The following CNTN5 variants were observed in gnomAD, a reference collection of about 807,000 sequenced individuals.
CNTN5 encodes the protein contactin 5.
In CNTN5, 77 loss-of-function variants were observed where a neutral mutation model predicts 129.1. The observed-to-expected ratio is 0.60, with a 90% confidence interval of 0.50 to 0.72. CNTN5 has a LOEUF of 0.72. CNTN5 is among the 30% of genes least tolerant of loss of function. The pLI is 0.00. For missense variants in CNTN5, 1,478 were observed against 1,328.8 expected, an observed-to-expected ratio of 1.11 and a Z score of -1.75; for synonymous variants, 509 against 465.6, an observed-to-expected ratio of 1.09 and a Z score of -1.20.
At chr11:99,343,736 T>C (rs1488113387) in intron 2 of CNTN5, among the ~76,000 whole-genome samples, 1 of 152,172 alleles carries the variant, frequency 6.6e-6, no homozygotes, top group East Asian at 1.9e-4. Flanking sequence ...TAATGACCAG[T>C]CATTCATTTA....
Position 99,336,635 on chromosome 11 carries a change from T to A in CNTN5, c.-71+11151T>A, listed in dbSNP as rs571540004. Among the ~76,000 whole-genome samples the A allele has an allele frequency of 2.6e-5, 4 of 151,342 alleles. No individual in the cohort carries two copies. The South Asian group carries it at 8.3e-4, about 32-fold the overall frequency. On this transcript the variant is annotated intron_variant, in intron 2 of 24. Coordinates refer to ENST00000524871, the MANE Select transcript of CNTN5 (RefSeq NM_014361.4). ...TGGTCAGATTACCTGAGGTCAGGAG[T>A]TTCAGACCAGCCTGGTCATCATGGT...
At chr11:100,013,377 C>G (rs567349495) in intron 9 of CNTN5, among the ~76,000 whole-genome samples, 1 of 152,234 alleles carries the variant, frequency 6.6e-6, no homozygotes, top group African/African-American at 2.4e-5. Context: ...TCAGAAGTTT[C>G]TAACTTTATT....
intron 3 of CNTN5, among the ~76,000 whole-genome samples, chr11:99,566,275 G>A (rs1437507255): frequency 6.6e-6 from 1 of 152,130 alleles, no homozygotes; most frequent in Non-Finnish European, 1.5e-5. Flanking sequence ...TGATACACCA[G>A]CTCCTCTTGC....
intron 21 of CNTN5, among the ~76,000 whole-genome samples, chr11:100,321,047 T>TGTAG: frequency 6.6e-6 from 1 of 152,324 alleles, no homozygotes; most frequent in Non-Finnish European, 1.5e-5. Context: ...TGGGGACTTT[T>TGTAG]GTAGTTCTCT....
chr11:99,769,809 C>T (rs371611311), intron 3 of CNTN5, among the ~76,000 whole-genome samples: 1 of 111,714 alleles, frequency 9.0e-6, no homozygotes, highest in African/African-American at 3.6e-5. Context: ...GAGTGAGACC[C>T]CGTCTCAAAA....
chr11:99,794,359 G>T (rs895895244), intron 3 of CNTN5, among the ~76,000 whole-genome samples: 37 of 151,968 alleles, frequency 2.4e-4, no homozygotes, highest in African/African-American at 8.7e-4. Flanking sequence ...ATACTATTTG[G>T]TTTTCCTTGT....
intron 3 of CNTN5, among the ~76,000 whole-genome samples, chr11:99,669,464 GTGTGTGTGTA>G (rs148165823): frequency 0.063 from 5,621 of 89,148 alleles, 345 homozygotes; most frequent in African/African-American, 0.17. Flanking sequence ...GTGTGTGTGT[GTGTGTGTGTA>G]TATGTGTATA....
At chr11:99,120,200 C>T (rs1324905266) in intron 1 of CNTN5, 2 of 152,044 alleles carry the variant, frequency 1.3e-5, no homozygotes, top group Non-Finnish European at 2.9e-5. Context: ...CTGGGTGTGA[C>T]AGCTGTCACC....
intron 13 of CNTN5, among the ~76,000 whole-genome samples, chr11:100,131,993 C>CA (rs958455586): frequency 2.0e-5 from 3 of 152,070 alleles, no homozygotes; most frequent in African/African-American, 7.2e-5. Flanking sequence ...CTAGAATGTA[C>CA]ACAGGCGCAG....
chr11:99,334,896 T>G (rs1375388501), intron 2 of CNTN5, among the ~76,000 whole-genome samples: 1 of 152,172 alleles, frequency 6.6e-6, no homozygotes, highest in East Asian at 1.9e-4. Context: ...TAATACACAT[T>G]GTTTCTGTAT....
rs765621436 is a variant in CNTN5 at position 99,294,774 on chromosome 11, C to T, written c.-209-30572C>T. On this transcript the variant is annotated intron_variant, in intron 1 of 24. Transcript: ENST00000524871. ...AGAGCATCACAGACACCACTGTCGA[C>T]GACGTTCAGTAGTTTCTCTTGGGCA... 3.3e-5 allele frequency among the ~76,000 whole-genome samples: 5 copies of T among 152,140 alleles called. 1 individual carries two copies. The highest frequency in any genetic ancestry group is 2.0e-4 in the Admixed American group (3 of 15,270).
intron 6 of CNTN5, among the ~76,000 whole-genome samples, chr11:99,874,823 A>G (rs1565628227): frequency 6.6e-6 from 1 of 152,258 alleles, no homozygotes; most frequent in East Asian, 1.9e-4. Flanking sequence ...ATAACTTGCA[A>G]TCATTATTCT....
At position 100,356,127 on chromosome 11, in the gene CNTN5, C is replaced by T. The variant is rs1243165614; in HGVS notation, c.3210C>T (p.Ile1070=). The change falls in exon 25 of 25, where the codon ATC becomes ATT. Residue 1070 remains isoleucine, a synonymous_variant. Coordinates refer to ENST00000524871, the MANE Select transcript of CNTN5 (RefSeq NM_014361.4). ...IRVPSYSGGK[I]TSAQSTLHSL... ...CTTCTTTTTTCACAGGTGGAAAAAT[C>T]ACAAGTGCACAGTCGACCCTTCACT... 1 of 1,608,036 alleles carries T rather than the reference C, an allele frequency of 6.2e-7. No individual in the cohort carries two copies. The highest frequency in any genetic ancestry group is 1.7e-5 in the Admixed American group (1 of 59,452).
chr11:100,043,028 T>G (rs1942465400), intron 9 of CNTN5, among the ~76,000 whole-genome samples: 1 of 111,314 alleles, frequency 9.0e-6, no homozygotes, highest in Non-Finnish European at 2.1e-5. Flanking sequence ...ATCAGTCCTT[T>G]GTTTGTGCTT....
chr11:100,310,300 G>C (rs1023430720), intron 21 of CNTN5, among the ~76,000 whole-genome samples: 2 of 151,760 alleles, frequency 1.3e-5, no homozygotes, highest in African/African-American at 4.8e-5. Flanking sequence ...ATATCTCAAA[G>C]GGATGTTCCC....
chr11:99,598,380 C>G (rs1452279095), intron 3 of CNTN5, among the ~76,000 whole-genome samples: 2 of 122,248 alleles, frequency 1.6e-5, no homozygotes, highest in East Asian at 4.9e-4. Flanking sequence ...CTCTCCCTCT[C>G]TCTCTCTGTC....
At chr11:99,083,301 G>C (rs138581113) in intron 1 of CNTN5, among the ~76,000 whole-genome samples, 13 of 151,224 alleles carry the variant, frequency 8.6e-5, no homozygotes, top group African/African-American at 2.2e-4. Flanking sequence ...ATTCACACAT[G>C]TGTCCTCTCT....
chr11:100,165,705 C>T (rs963450130), intron 13 of CNTN5, among the ~76,000 whole-genome samples: 1 of 151,644 alleles, frequency 6.6e-6, no homozygotes, highest in African/African-American at 2.4e-5. Context: ...TGAATAAGGT[C>T]TCATGCAATT....
chr11:100,060,775 G>T (rs1046164071), intron 9 of CNTN5, among the ~76,000 whole-genome samples: 1 of 151,634 alleles, frequency 6.6e-6, no homozygotes, highest in African/African-American at 2.4e-5. Flanking sequence ...GAATAGCTGG[G>T]ATTATAGGCG....
Sources: gnomAD v4.1 joint callset for allele counts (sites outside exome capture counted in the v4.1 genomes callset) on GRCh38, gnomAD v4.1.1 for gene constraint, MANE v1.5 for transcripts, NCBI Gene and HGNC (gene_info 2026-07-23, HGNC 2026-07-21) for gene names.